PRKCA: variants seen among roughly 807,000 people sequenced by gnomAD.
PRKCA encodes protein kinase C alpha.
Under a neutral mutation model 87.0 loss-of-function variants are expected in PRKCA, and 27 were observed. The ratio of observed to expected loss-of-function variants is 0.31; its 90% confidence interval spans 0.23 to 0.43. PRKCA has a LOEUF of 0.43. Among genes scored for constraint, PRKCA ranks in the 20% least tolerant of loss-of-function variants. PRKCA has a pLI of 1.00. For synonymous variants in PRKCA, 329 were observed against 311.1 expected (o/e 1.06, Z -0.61); for missense variants, 518 against 852.3 (o/e 0.61, Z 4.88).
chr17:66,414,900 T>A (rs368327660), intron 2 of PRKCA: 9 of 152,058 alleles, frequency 5.9e-5, no homozygotes, highest in Non-Finnish European at 1.2e-4. Context: ...TTTAGTGACA[T>A]GATGTTAAGA....
chr17:66,629,148 A>G (rs1206038382), intron 3 of PRKCA, among the ~76,000 whole-genome samples: 1 of 152,252 alleles, frequency 6.6e-6, no homozygotes, highest in Non-Finnish European at 1.5e-5. Context: ...CTAAAGAGAC[A>G]GTCCTGCCGA....
chr17:66,676,008 G>A (rs544299900), intron 5 of PRKCA, among the ~76,000 whole-genome samples: 3 of 152,236 alleles, frequency 2.0e-5, no homozygotes, highest in East Asian at 3.9e-4. Flanking sequence ...TGGGAAGGGC[G>A]CTCGGTAAAT....
In PRKCA at chr17:66,591,298, G is replaced by A. The variant is rs562739439; in HGVS notation, c.289-50057G>A. Among the ~76,000 whole-genome samples, 24 of 151,482 alleles carry A rather than the reference G, an allele frequency of 1.6e-4. No individual in the cohort carries two copies. In the South Asian group the frequency reaches 4.0e-3, roughly 25 times the overall value. On this transcript the variant is annotated intron_variant, in intron 3 of 16. Transcript: ENST00000413366. Reference sequence around the variant, plus strand: ...CCCACAAGTACCTAGGACTACAGGCGTGCACCACCATGCCCAGCTAATTTT... The same window carrying A: ...CCCACAAGTACCTAGGACTACAGGCATGCACCACCATGCCCAGCTAATTTT...
chr17:66,338,781 C>T (rs151219545), intron 2 of PRKCA, among the ~76,000 whole-genome samples: 1 of 152,316 alleles, frequency 6.6e-6, no homozygotes, highest in African/African-American at 2.4e-5. Flanking sequence ...TTTTAATTGG[C>T]TCTTCCTGGC....
intron 2 of PRKCA, among the ~76,000 whole-genome samples, chr17:66,387,265 T>C (rs1316933082): frequency 2.0e-5 from 3 of 152,190 alleles, no homozygotes; most frequent in African/African-American, 4.8e-5. Context: ...ATGAATAATA[T>C]GTTTGGCAGC....
At chr17:66,613,779 C>CTTTTTTTTTTTTTTTTTTTTTTT (rs57610655) in intron 3 of PRKCA, among the ~76,000 whole-genome samples, 1 of 69,386 alleles carries the variant, frequency 1.4e-5, no homozygotes, top group Non-Finnish European at 2.4e-5. Flanking sequence ...TGACTTCATC[C>CTTTTTTTTTTTTTTTTTTTTTTT]TTTTTTTTTT....
At position 66,804,027 on chromosome 17, in the gene PRKCA, G is replaced by A. The variant is rs538946868; in HGVS notation, c.2009G>A (p.Ser670Asn). Residue 670 changes from serine (S) to asparagine (N), a missense_variant, in exon 17 of 17, where the codon AGT (serine) becomes AAT (asparagine). This residue lies in a region of PRKCA where 159 missense variants were observed against 232.4 expected (regional missense o/e 0.68). Transcript: ENST00000413366. ...NPQFVHPILQ[S>N]AV ...CAGTTTGTGCACCCCATCTTACAGAGTGCAGTATGAAACTCACCAGCGAGA... is the reference window on the plus strand; with the variant it reads ...CAGTTTGTGCACCCCATCTTACAGAATGCAGTATGAAACTCACCAGCGAGA... 1.2e-6 allele frequency: 2 copies of A among 1,609,778 alleles called. No homozygotes were observed. The highest frequency in any genetic ancestry group is 2.2e-5 in the South Asian group (2 of 91,002).
intron 2 of PRKCA, among the ~76,000 whole-genome samples, chr17:66,442,944 C>T (rs77733524): frequency 0.022 from 3,378 of 152,334 alleles, 47 homozygotes; most frequent in South Asian, 0.054. Context: ...GAACCATAAA[C>T]GCTGCCATTG....
At chr17:66,585,412 A>C (rs1329885792) in intron 3 of PRKCA, among the ~76,000 whole-genome samples, 3 of 152,218 alleles carry the variant, frequency 2.0e-5, no homozygotes, top group African/African-American at 7.2e-5. Context: ...GCTCTGCTAG[A>C]AAAGAAATGA....
At chr17:66,631,379 G>C (rs1374883025) in intron 3 of PRKCA, among the ~76,000 whole-genome samples, 1 of 152,126 alleles carries the variant, frequency 6.6e-6, no homozygotes. Context: ...TTTGTGATTT[G>C]AATACTTACA....
intron 2 of PRKCA, among the ~76,000 whole-genome samples, chr17:66,350,066 G>C (rs896692650): frequency 2.0e-5 from 3 of 152,146 alleles, no homozygotes; most frequent in Non-Finnish European, 4.4e-5. Context: ...ACTAAAGCTC[G>C]GGCTAGTGTC....
At chr17:66,796,178 G>T (rs1354161306) in intron 16 of PRKCA, among the ~76,000 whole-genome samples, 1 of 152,166 alleles carries the variant, frequency 6.6e-6, no homozygotes, top group Non-Finnish European at 1.5e-5. Context: ...TAAATGAAAA[G>T]ATATCTCCCC....
intron 3 of PRKCA, among the ~76,000 whole-genome samples, chr17:66,501,411 G>A (rs1916724613): frequency 6.6e-6 from 1 of 152,188 alleles, no homozygotes; most frequent in Admixed American, 6.6e-5. Context: ...AAAAAGCTGA[G>A]CAATTCCTAG....
chr17:66,396,669 C>A lies in PRKCA; in HGVS notation c.205+90542C>A, dbSNP rs866722989. 8.7e-4 allele frequency among the ~76,000 whole-genome samples: 116 copies of A among 133,072 alleles called. 1 individual carries two copies. Among genetic ancestry groups the A allele is most frequent in the African/African-American group, 3.0e-3 (109 of 36,276 alleles). 87.3% of individuals were successfully genotyped at this position (133,072 alleles called of 152,430 possible). A position where few individuals can be genotyped will look rare whatever the true frequency, so the allele number is the denominator to read the frequency against. On this transcript the variant is annotated intron_variant, in intron 2 of 16. Coordinates refer to ENST00000413366, the MANE Select transcript of PRKCA (RefSeq NM_002737.3). ...TTCGTGACAGAGTCTCGCTCTGTTGCCCAGACTGGAGTACAGTGGCGCGAT... is the reference window on the plus strand; with the variant it reads ...TTCGTGACAGAGTCTCGCTCTGTTGACCAGACTGGAGTACAGTGGCGCGAT...
intron 1 of PRKCA, among the ~76,000 whole-genome samples, chr17:66,303,510 G>GGT (rs1555579674): frequency 1.3e-5 from 2 of 151,722 alleles, no homozygotes; most frequent in Admixed American, 1.3e-4. Flanking sequence ...GGGTGGGGGG[G>GGT]TTGTGTTTGT....
chr17:66,387,756 A>G (rs1330111947), intron 2 of PRKCA, among the ~76,000 whole-genome samples: 1 of 152,206 alleles, frequency 6.6e-6, no homozygotes, highest in African/African-American at 2.4e-5. Context: ...CAGTTAGAGC[A>G]GCTTGTTGAG....
chr17:66,333,800 G>A (rs1479687856), intron 2 of PRKCA, among the ~76,000 whole-genome samples: 1 of 152,078 alleles, frequency 6.6e-6, no homozygotes, highest in East Asian at 1.9e-4. Flanking sequence ...CTACTGGAGG[G>A]TAACTTCGGA....
chr17:66,506,902 G>C (rs146302152), intron 3 of PRKCA, among the ~76,000 whole-genome samples: 81 of 152,266 alleles, frequency 5.3e-4, no homozygotes, highest in Middle Eastern at 6.8e-3. Flanking sequence ...CAAATTACCT[G>C]ACCCTGAGAA....
intron 2 of PRKCA, among the ~76,000 whole-genome samples, chr17:66,428,759 C>T (rs1293788235): frequency 6.6e-6 from 1 of 152,102 alleles, no homozygotes; most frequent in Non-Finnish European, 1.5e-5. Flanking sequence ...CCACTCTGGC[C>T]TCCCAAATTG....
Sources: allele counts gnomAD v4.1 joint callset (sites outside exome capture counted in the v4.1 genomes callset), GRCh38; gene constraint gnomAD v4.1.1; regional missense constraint gnomAD v4.1.1; transcripts MANE v1.5; gene names NCBI Gene and HGNC (gene_info 2026-07-23, HGNC 2026-07-21).